CHSY3: variants seen among roughly 807,000 people sequenced by gnomAD.
CHSY3 encodes chondroitin sulfate synthase 3.
In CHSY3, 35 loss-of-function variants were observed where a neutral mutation model predicts 67.2. The observed-to-expected ratio is 0.52, with a 90% confidence interval of 0.40 to 0.69. CHSY3 has a LOEUF of 0.69. Among genes scored for constraint, CHSY3 ranks in the 30% least tolerant of loss-of-function variants. The pLI is 0.00. For synonymous variants in CHSY3, 474 were observed against 434.7 expected (o/e 1.09, Z -1.12); for missense variants, 1,069 against 1,138.5 (o/e 0.94, Z 0.88).
At chr5:130,057,879 A>G (rs562915159) in intron 2 of CHSY3, among the ~76,000 whole-genome samples, 215 of 151,856 alleles carry the variant, frequency 1.4e-3, no homozygotes, top group Non-Finnish European at 2.2e-3. Flanking sequence ...TATACTGCCT[A>G]TGTCAACACA....
chr5:129,974,036 C>A (rs1762721470), intron 2 of CHSY3, among the ~76,000 whole-genome samples: 1 of 152,098 alleles, frequency 6.6e-6, no homozygotes, highest in Admixed American at 6.6e-5. Flanking sequence ...AGATTGACCA[C>A]CTCTGAACTC....
intron 2 of CHSY3, among the ~76,000 whole-genome samples, chr5:129,913,856 G>A (rs544165853): frequency 1.1e-3 from 172 of 152,192 alleles, no homozygotes; most frequent in African/African-American, 3.4e-3. Context: ...ACTCCTTAAA[G>A]TGATAATTTT....
intron 2 of CHSY3, among the ~76,000 whole-genome samples, chr5:130,081,022 A>AT (rs1766429289): frequency 1.3e-5 from 2 of 152,104 alleles, no homozygotes; most frequent in South Asian, 4.1e-4. Flanking sequence ...GGAGGTCGTA[A>AT]TTTTTTTAGG....
At chr5:129,958,869 A>T (rs552139705) in intron 2 of CHSY3, among the ~76,000 whole-genome samples, 1 of 151,970 alleles carries the variant, frequency 6.6e-6, no homozygotes, top group Non-Finnish European at 1.5e-5. Flanking sequence ...CAGAGAAGCA[A>T]TTTTTTTTAG....
intron 2 of CHSY3, among the ~76,000 whole-genome samples, chr5:130,156,667 A>C (rs756059518): frequency 1.3e-5 from 2 of 152,206 alleles, no homozygotes; most frequent in Non-Finnish European, 2.9e-5. Context: ...ATTAGTAAAG[A>C]CATAGATGGT....
In CHSY3 at chr5:129,915,629, T is replaced by A. The variant is rs575305520; in HGVS notation, c.1086+7269T>A. The stretch of plus-strand genomic sequence containing the variant: ...AGTGGTATCTGAACATGTCATTATC[T>A]CTTTCAGTTTCATTATTTTTTATTG... On this transcript the variant is annotated intron_variant, in intron 2 of 2. Coordinates refer to ENST00000305031, the MANE Select transcript of CHSY3 (RefSeq NM_175856.5). Among the ~76,000 whole-genome samples the A allele has an allele frequency of 5.3e-5, 8 of 152,330 alleles. No homozygotes were observed. In the South Asian group the frequency reaches 1.7e-3, roughly 32 times the overall value.
chr5:129,912,099 T>C (rs1382105366), intron 2 of CHSY3, among the ~76,000 whole-genome samples: 2 of 152,090 alleles, frequency 1.3e-5, no homozygotes, highest in Admixed American at 6.6e-5. Flanking sequence ...CTATGAAATA[T>C]GGACACCTGT....
chr5:129,904,400 G>T, upstream of CHSY3: 1 of 159,772 alleles, frequency 6.3e-6, no homozygotes, highest in South Asian at 2.0e-4. Context: ...GCGGCGGGGG[G>T]AGCGGGAGGC....
intron 2 of CHSY3, among the ~76,000 whole-genome samples, chr5:129,956,623 T>C (rs1381675765): frequency 6.6e-6 from 1 of 152,122 alleles, no homozygotes; most frequent in Non-Finnish European, 1.5e-5. Flanking sequence ...TCGTGAAATC[T>C]TGAATTGATT....
chr5:130,135,007 C>T (rs1182764125), intron 2 of CHSY3, among the ~76,000 whole-genome samples: 1 of 151,938 alleles, frequency 6.6e-6, no homozygotes, highest in Admixed American at 6.6e-5. Context: ...TATAGGTACA[C>T]AGGGTACCCA....
chr5:130,163,935 T>G (rs554889432), intron 2 of CHSY3, among the ~76,000 whole-genome samples: 4 of 152,258 alleles, frequency 2.6e-5, no homozygotes, highest in Admixed American at 1.3e-4. Flanking sequence ...AAGGAATGAG[T>G]AGCATTCAGA....
At chr5:130,046,106 A>G (rs1291351326) in intron 2 of CHSY3, among the ~76,000 whole-genome samples, 8 of 152,104 alleles carry the variant, frequency 5.3e-5, no homozygotes, top group Non-Finnish European at 2.9e-5. Context: ...AAACTACCAT[A>G]TTAAAGGGAA....
intron 2 of CHSY3, among the ~76,000 whole-genome samples, chr5:130,178,187 G>A (rs6881386): frequency 0.84 from 102,461 of 121,714 alleles, 43,280 homozygotes; most frequent in Middle Eastern, 0.89. Context: ...ATGTGTGTGT[G>A]TATATATATA....
intron 2 of CHSY3, among the ~76,000 whole-genome samples, chr5:130,014,680 C>T (rs1156603345): frequency 1.3e-5 from 2 of 152,024 alleles, no homozygotes; most frequent in African/African-American, 4.8e-5. Flanking sequence ...AAAGCCAGAC[C>T]ATATCAACCA....
chr5:129,928,399 C>T (rs1186551936), intron 2 of CHSY3, among the ~76,000 whole-genome samples: 1 of 151,898 alleles, frequency 6.6e-6, no homozygotes, highest in Non-Finnish European at 1.5e-5. Flanking sequence ...GTAGATAATG[C>T]TGGCATCATT....
intron 2 of CHSY3, among the ~76,000 whole-genome samples, chr5:129,994,161 A>C (rs532298617): frequency 6.6e-6 from 1 of 151,970 alleles, no homozygotes; most frequent in Non-Finnish European, 1.5e-5. Flanking sequence ...CCTTCATTTC[A>C]ACTTTGGTGA....
intron 2 of CHSY3, among the ~76,000 whole-genome samples, chr5:130,149,706 T>C (rs1318173720): frequency 6.6e-6 from 1 of 151,910 alleles, no homozygotes; most frequent in African/African-American, 2.4e-5. Flanking sequence ...ATCTAAAGAG[T>C]GAGAGTTGCA....
chr5:129,962,923 A>C (rs1177115112), intron 2 of CHSY3, among the ~76,000 whole-genome samples: 1 of 151,994 alleles, frequency 6.6e-6, no homozygotes, highest in Non-Finnish European at 1.5e-5. Context: ...TTGATAGCCC[A>C]TTCTGGAACA....
intron 2 of CHSY3, among the ~76,000 whole-genome samples, chr5:130,161,354 G>C (rs116838631): frequency 2.6e-3 from 396 of 152,132 alleles, no homozygotes; most frequent in African/African-American, 7.9e-3. Context: ...ATCTATCCTA[G>C]TACTATTACC....
Sources: gnomAD v4.1 joint callset for allele counts (sites outside exome capture counted in the v4.1 genomes callset) on GRCh38, gnomAD v4.1.1 for gene constraint, MANE v1.5 for transcripts, NCBI Gene and HGNC (gene_info 2026-07-23, HGNC 2026-07-21) for gene names.